Variants in RBP2 observed in about 807,000 individuals in gnomAD.
RBP2 encodes retinol binding protein 2.
A neutral mutation model predicts 17.0 loss-of-function variants in RBP2; 17 were observed. The observed-to-expected ratio is 1.00, with a 90% confidence interval of 0.68 to 1.50. The LOEUF (loss-of-function observed/expected upper bound fraction) is 1.50. RBP2 is among the 40% of genes most tolerant of loss of function. RBP2 has a pLI of 0.00. For synonymous variants in RBP2, 48 were observed against 57.1 expected, an observed-to-expected ratio of 0.84 and a Z score of 0.72; for missense variants, 158 against 168.2, an observed-to-expected ratio of 0.94 and a Z score of 0.33.
chr3:139,459,678 AC>A (rs1181246105), intron 2 of RBP2, among the ~76,000 whole-genome samples: 1 of 151,360 alleles, frequency 6.6e-6, no homozygotes, highest in Non-Finnish European at 1.5e-5. Context: ...ACTGTCTAGC[AC>A]CCCCTTCCAG....
Position 139,463,659 on chromosome 3 carries a change from G to C in RBP2, c.74-1369C>G, listed in dbSNP as rs114526862. Among the ~76,000 whole-genome samples the C allele has an allele frequency of 4.4e-3, 677 of 152,314 alleles. 7 individuals are homozygous for C. Among genetic ancestry groups the C allele is most frequent in the African/African-American group, 0.016 (658 of 41,566 alleles). ...CTAGAGCCATGCCAAAAAGTTGTTG[G>C]CCTGTGGAGTAGATCTAGAAAGAGA... On this transcript the variant is annotated intron_variant, in intron 1 of 3. Coordinates refer to ENST00000232217, the MANE Select transcript of RBP2 (RefSeq NM_004164.3).
At chr3:139,459,328 G>A (rs779674263) in intron 2 of RBP2, among the ~76,000 whole-genome samples, 4 of 151,506 alleles carry the variant, frequency 2.6e-5, no homozygotes, top group Non-Finnish European at 5.9e-5. Flanking sequence ...GGCCGAGGCG[G>A]GTGGATCCCT....
chr3:139,471,378 C>T (rs139415399), intron 1 of RBP2, among the ~76,000 whole-genome samples: 41 of 152,342 alleles, frequency 2.7e-4, no homozygotes, highest in Non-Finnish European at 5.3e-4. Flanking sequence ...TATTTCCTGG[C>T]AGAGACCACT....
At chr3:139,463,932 A>G (rs1051113044) in intron 1 of RBP2, among the ~76,000 whole-genome samples, 1 of 152,168 alleles carries the variant, frequency 6.6e-6, no homozygotes, top group Admixed American at 6.6e-5. Flanking sequence ...ATCGAGTGCT[A>G]TTTCTCTGAG....
chr3:139,468,386 GA>G (rs1225510758), intron 1 of RBP2, among the ~76,000 whole-genome samples: 8 of 152,210 alleles, frequency 5.3e-5, no homozygotes, highest in Non-Finnish European at 2.9e-5. Context: ...ATTGCTGACA[GA>G]ACTGGTTTGT....
rs1298963492 is a variant in RBP2, at chr3:139,462,232, A to C, written c.132T>G (p.Asp44Glu). 1.2e-6 allele frequency: 2 copies of C among 1,614,008 alleles called. No individual in the cohort carries two copies. Among genetic ancestry groups the C allele is most frequent in the African/African-American group, 2.7e-5 (2 of 74,900 alleles). The change falls in exon 2 of 4, where the codon GAT becomes GAG. Residue 44 changes from aspartate (D) to glutamate (E), a missense_variant. Asp to Glu is a conservative substitution (Grantham distance 45, BLOSUM62 2). Coordinates refer to ENST00000232217, the MANE Select transcript of RBP2 (RefSeq NM_004164.3). ...TTGTCTTGAAGTTATCACCATCTTG[A>C]TCAATAACCTTCGTCTGAGTGAGAC... ...AVRLTQTKVI[D>E]QDGDNFKTKT... is the part of the protein sequence containing the mutation.
At position 139,466,184 on chromosome 3, in the gene RBP2, A is replaced by G. The variant is rs115014816; in HGVS notation, c.74-3894T>C. 5.8e-3 allele frequency among the ~76,000 whole-genome samples: 890 copies of G among 152,210 alleles called. 9 individuals carry two copies. Among genetic ancestry groups the G allele is most frequent in the African/African-American group, 0.02 (832 of 41,534 alleles). ...TGCTTTGTAGCTCCAAGTTGGAGGG[A>G]AGGTAGAGGATGCACCTTTTCAAAG... On this transcript the variant is annotated intron_variant, in intron 1 of 3. Transcript: ENST00000232217.
chr3:139,457,985 A>G (rs1260729320), intron 2 of RBP2, among the ~76,000 whole-genome samples: 1 of 152,218 alleles, frequency 6.6e-6, no homozygotes, highest in East Asian at 1.9e-4. Context: ...TTTACAAGAG[A>G]ATACCTTAAT....
intron 1 of RBP2, among the ~76,000 whole-genome samples, chr3:139,473,552 C>T (rs377369923): frequency 1.3e-5 from 2 of 152,220 alleles, no homozygotes; most frequent in East Asian, 3.8e-4. Flanking sequence ...TACACATACT[C>T]TTCCCAAATG....
intron 1 of RBP2, among the ~76,000 whole-genome samples, chr3:139,473,190 A>G (rs1457121001): frequency 6.6e-6 from 1 of 152,212 alleles, no homozygotes; most frequent in African/African-American, 2.4e-5. Flanking sequence ...CCAGGTGCCT[A>G]AGAAGGCAGG....
chr3:139,459,373 T>C (rs1933102452), intron 2 of RBP2, among the ~76,000 whole-genome samples: 1 of 142,156 alleles, frequency 7.0e-6, no homozygotes, highest in South Asian at 2.3e-4. Flanking sequence ...CTGACCAACA[T>C]GGTGAAACCC....
intron 1 of RBP2, among the ~76,000 whole-genome samples, chr3:139,469,325 C>T (rs1448054175): frequency 1.3e-5 from 2 of 152,190 alleles, no homozygotes; most frequent in Non-Finnish European, 2.9e-5. Context: ...CCTCTCACTT[C>T]CTTCTAGGCA....
At chr3:139,458,996 A>C (rs1443771497) in intron 2 of RBP2, among the ~76,000 whole-genome samples, 3 of 151,968 alleles carry the variant, frequency 2.0e-5, no homozygotes, top group African/African-American at 7.3e-5. Flanking sequence ...AGGAGAATTG[A>C]CTCTGTGATC....
chr3:139,453,082 G>T lies in RBP2; in HGVS notation c.*34C>A. On this transcript the variant is annotated 3_prime_UTR_variant, in exon 4 of 4. Coordinates refer to ENST00000232217, the MANE Select transcript of RBP2 (RefSeq NM_004164.3). The stretch of plus-strand genomic sequence containing the variant: ...GTAGACCACTCAGTGTGGGCAGTGG[G>T]GAGCTTGTGCTTGGCAGGCCTCCCA... 1 of 1,613,684 alleles carries T rather than the reference G, an allele frequency of 6.2e-7. No homozygotes were observed. The highest frequency in any genetic ancestry group is 8.5e-7 in the Non-Finnish European group (1 of 1,179,634).
chr3:139,472,126 T>C (rs2107883573), intron 1 of RBP2, among the ~76,000 whole-genome samples: 1 of 152,284 alleles, frequency 6.6e-6, no homozygotes. Context: ...CTCCTGTTCT[T>C]CCTTCAAAGC....
intron 2 of RBP2, among the ~76,000 whole-genome samples, chr3:139,459,396 A>ATGTGTGTGTGTGTG (rs751257475): frequency 5.1e-3 from 242 of 47,168 alleles, no homozygotes; most frequent in Non-Finnish European, 8.4e-3. Context: ...TTTCTACTAT[A>ATGTGTGTGTGTGTG]TATATGTGTG....
chr3:139,472,457 G>A (rs1008719928), intron 1 of RBP2, among the ~76,000 whole-genome samples: 5 of 152,154 alleles, frequency 3.3e-5, no homozygotes, highest in African/African-American at 7.2e-5. Context: ...AGTGGTACCC[G>A]GTAGCTTCTG....
intron 1 of RBP2, chr3:139,466,851 C>G (rs1383019532): frequency 2.0e-5 from 3 of 152,244 alleles, no homozygotes; most frequent in African/African-American, 2.4e-5. Context: ...AACAGTTGCT[C>G]TCTGAATCCC....
intron 2 of RBP2, among the ~76,000 whole-genome samples, chr3:139,458,847 AATTTT>A (rs1362718069): frequency 7.2e-5 from 11 of 151,922 alleles, no homozygotes; most frequent in Non-Finnish European, 1.6e-4. Flanking sequence ...GCTTATTTTT[AATTTT>A]ATTTTATTTT....
Sources: gnomAD v4.1 joint callset for allele counts (sites outside exome capture counted in the v4.1 genomes callset) on GRCh38, gnomAD v4.1.1 for gene constraint, MANE v1.5 for transcripts, NCBI Gene and HGNC (gene_info 2026-07-23, HGNC 2026-07-21) for gene names.